The following FRMD4B variants were observed in gnomAD, a reference collection of about 807,000 sequenced individuals.
FRMD4B encodes the protein FERM domain-containing protein 4B.
Under a neutral mutation model 141.5 loss-of-function variants are expected in FRMD4B, and 74 were observed. The ratio of observed to expected loss-of-function variants is 0.52; its 90% CI spans 0.43 to 0.63. The LOEUF is 0.63. FRMD4B is among the 30% of genes least tolerant of loss of function. The probability of loss-of-function intolerance (pLI) is 0.00; values close to 1 mark genes in which losing one functional copy is unlikely to be tolerated. For missense variants in FRMD4B, 1,366 were observed against 1,253.4 expected (o/e 1.09, Z -1.36); for synonymous variants, 506 against 467.9 (o/e 1.08, Z -1.05).
intron 1 of FRMD4B, among the ~76,000 whole-genome samples, chr3:69,496,550 A>G (rs1164578263): frequency 6.6e-6 from 1 of 151,350 alleles, no homozygotes; most frequent in African/African-American, 2.4e-5. Context: ...GTGGACAATC[A>G]TCTTTCTTAA....
chr3:69,514,895 T>C (rs1206889976), intron 1 of FRMD4B, among the ~76,000 whole-genome samples: 2 of 152,048 alleles, frequency 1.3e-5, no homozygotes, highest in Admixed American at 6.6e-5. Context: ...CAAGGGACAC[T>C]GAATAGCCAA....
At position 69,187,865 on chromosome 3, in the gene FRMD4B, A is replaced by G; in HGVS notation, c.1824T>C (p.Ser608=). 6.2e-7 allele frequency: 1 copy of G among 1,609,660 alleles called. No homozygotes were observed. The highest frequency in any genetic ancestry group is 1.1e-5 in the South Asian group (1 of 90,402). The change falls in exon 19 of 23, where the codon TCT becomes TCC. Residue 608 remains serine, a synonymous_variant. Coordinates refer to ENST00000398540, the MANE Select transcript of FRMD4B (RefSeq NM_015123.3). ...GAGACTTGGGGGGAAGAATTCTTGG[A>G]GAATGAGGTACTGAACTTGATCGCT... The part of the protein sequence containing the change: ...PGQRSSSVPH[S]PRILPPKSLG...
Position 69,171,827 on chromosome 3 carries a change from A to G in FRMD4B, c.*34T>C, listed in dbSNP as rs1441768914. On this transcript the variant is annotated 3_prime_UTR_variant, in exon 23 of 23. Transcript: ENST00000398540. ...AATTTGCAAGGCACACTAGTGTGAG[A>G]ACGCAGTGCTTGGTCAGGAGGTCCA... 21 of 1,601,520 alleles carry G rather than the reference A, an allele frequency of 1.3e-5. No homozygotes were observed. Among genetic ancestry groups the G allele is most frequent in the Non-Finnish European group, 1.8e-5 (21 of 1,170,302 alleles).
chr3:69,510,388 G>T (rs1386168893), intron 1 of FRMD4B, among the ~76,000 whole-genome samples: 1 of 152,068 alleles, frequency 6.6e-6, no homozygotes, highest in Non-Finnish European at 1.5e-5. Flanking sequence ...ATTCATAGAC[G>T]TTTTATTCTT....
intron 1 of FRMD4B, among the ~76,000 whole-genome samples, chr3:69,475,762 G>C (rs1444164934): frequency 7.0e-6 from 1 of 143,090 alleles, no homozygotes; most frequent in Non-Finnish European, 1.5e-5. Context: ...TCTAGTTCTA[G>C]ATCCCTGGGA....
chr3:69,273,218 G>A (rs1398643746), intron 5 of FRMD4B, among the ~76,000 whole-genome samples: 1 of 152,196 alleles, frequency 6.6e-6, no homozygotes, highest in Admixed American at 6.5e-5. Flanking sequence ...TATGCTCAGT[G>A]TCCCTCTCTC....
chr3:69,297,497 C>CA (rs1390996920), intron 4 of FRMD4B, among the ~76,000 whole-genome samples: 1 of 152,074 alleles, frequency 6.6e-6, no homozygotes, highest in Admixed American at 6.5e-5. Flanking sequence ...AAAACAACAA[C>CA]AACAAAAAAT....
At chr3:69,328,563 C>T (rs1220172350) in intron 1 of FRMD4B, among the ~76,000 whole-genome samples, 1 of 152,076 alleles carries the variant, frequency 6.6e-6, no homozygotes, top group Non-Finnish European at 1.5e-5. Context: ...AGGAGGTCAG[C>T]AGGGCTGGTA....
chr3:69,187,857 A>C lies in FRMD4B; in HGVS notation c.1832T>G (p.Ile611Ser), dbSNP rs745343456. ...AATACCAAGAGACTTGGGGGGAAGA[A>C]TTCTTGGAGAATGAGGTACTGAACT... ...RSSSVPHSPR[I>S]LPPKSLGIER... Residue 611 changes from isoleucine (I) to serine (S), a missense_variant, in exon 19 of 23, where the codon ATT becomes AGT. Coordinates refer to ENST00000398540, the MANE Select transcript of FRMD4B (RefSeq NM_015123.3). The C allele has an allele frequency of 4.3e-6, 7 of 1,610,944 alleles. No homozygotes were observed. The highest frequency in any genetic ancestry group is 5.9e-6 in the Non-Finnish European group (7 of 1,178,030).
At chr3:69,509,989 C>A (rs529524591) in intron 1 of FRMD4B, among the ~76,000 whole-genome samples, 4 of 151,214 alleles carry the variant, frequency 2.6e-5, no homozygotes, top group South Asian at 4.2e-4. Context: ...ACTGGGAAAT[C>A]AAAAAATCAT....
At chr3:69,222,942 G>A (rs1035898690) in intron 8 of FRMD4B, among the ~76,000 whole-genome samples, 3 of 152,158 alleles carry the variant, frequency 2.0e-5, no homozygotes, top group Non-Finnish European at 4.4e-5. Context: ...TCCTCTCTTT[G>A]GTTAAAACAG....
At chr3:69,540,613 T>TAAAAAAAAAA (rs1157655761) in intron 1 of FRMD4B, among the ~76,000 whole-genome samples, 9 of 14,010 alleles carry the variant, frequency 6.4e-4, no homozygotes, top group African/African-American at 1.9e-3. Context: ...ACTCTGTCTC[T>TAAAAAAAAAA]AAAAAAAAAA....
At chr3:69,218,240 C>T (rs2093160038) in intron 10 of FRMD4B, 82 bp downstream of exon 10, 2 of 707,590 alleles carry the variant, frequency 2.8e-6, no homozygotes, top group Non-Finnish European at 4.9e-6. Flanking sequence ...ATATAATCAG[C>T]CTTTTATATA....
rs1050146662 is a variant in FRMD4B, at chr3:69,416,532, C to CT, written c.-1+16101dup. On this transcript the variant is annotated intron_variant, in intron 2 of 5. Coordinates refer to the FRMD4B transcript ENST00000459638. ...CAAAAACCTCAAATGCAAACCTGTT[C>CT]TTTTTTTTTAAATTATTATACTTTA... Among the ~76,000 whole-genome samples the CT allele has an allele frequency of 3.3e-5, 5 of 151,746 alleles. No individual in the cohort carries two copies. In the South Asian group the frequency reaches 6.3e-4, roughly 19 times the overall value.
chr3:69,282,087 A>C (rs1423663441), intron 5 of FRMD4B, among the ~76,000 whole-genome samples: 2 of 152,188 alleles, frequency 1.3e-5, no homozygotes, highest in African/African-American at 4.8e-5. Flanking sequence ...GTATTTATGT[A>C]GCTGTGCAGA....
chr3:69,301,104 C>T (rs1356551579), intron 4 of FRMD4B, among the ~76,000 whole-genome samples: 1 of 152,066 alleles, frequency 6.6e-6, no homozygotes. Context: ...TTTTTACACA[C>T]CCAAGGAAAG....
intron 1 of FRMD4B, among the ~76,000 whole-genome samples, chr3:69,502,622 G>A (rs1706517279): frequency 6.6e-6 from 1 of 152,108 alleles, no homozygotes; most frequent in Admixed American, 6.5e-5. Flanking sequence ...ATAGGCATCG[G>A]CAAGGACTTC....
intron 5 of FRMD4B, among the ~76,000 whole-genome samples, chr3:69,255,152 G>A (rs962041220): frequency 1.3e-5 from 2 of 152,060 alleles, no homozygotes; most frequent in African/African-American, 4.8e-5. Context: ...TTATAATTAG[G>A]TCATATATGG....
chr3:69,375,227 A>C (rs1703937741), intron 1 of FRMD4B, among the ~76,000 whole-genome samples: 1 of 111,324 alleles, frequency 9.0e-6, no homozygotes. Flanking sequence ...CATCCCATCC[A>C]TCCATCCACC....
Sources: allele counts gnomAD v4.1 joint callset (sites outside exome capture counted in the v4.1 genomes callset), GRCh38; gene constraint gnomAD v4.1.1; transcripts MANE v1.5; gene names NCBI Gene and HGNC (gene_info 2026-07-23, HGNC 2026-07-21).